Variants in AGAP1 observed in about 807,000 individuals in gnomAD.
The protein encoded by AGAP1 is ArfGAP with GTPase domain, ankyrin repeat and PH domain 1.
AGAP1 carries 29 observed loss-of-function variants against 105.3 expected under a neutral mutation model. The observed-to-expected ratio is 0.28, with a 90% CI of 0.21 to 0.38. The LOEUF is 0.38. Ranked by LOEUF, AGAP1 falls within the 10% of genes least tolerant of loss-of-function variation. AGAP1 has a pLI of 1.00. For missense variants in AGAP1, 998 were observed against 1,165.1 expected, an observed-to-expected ratio of 0.86 and a Z score of 2.09; for synonymous variants, 509 against 485.9, an observed-to-expected ratio of 1.05 and a Z score of -0.63.
chr2:235,699,699 A>G (rs576623584), intron 1 of AGAP1, among the ~76,000 whole-genome samples: 141 of 152,362 alleles, frequency 9.3e-4, no homozygotes, highest in African/African-American at 3.2e-3. Flanking sequence ...TGCTTTACCC[A>G]TAGGATGGGC....
rs923494993 is a variant in AGAP1, at chr2:235,976,531, T to C, written c.1645+7908T>C. Among the ~76,000 whole-genome samples, 3 of 152,092 alleles carry C rather than the reference T, an allele frequency of 2.0e-5. No individual in the cohort carries two copies. In the South Asian group the frequency reaches 6.2e-4, roughly 32 times the overall value. On this transcript the variant is annotated intron_variant, in intron 13 of 17. Transcript: ENST00000304032. The surrounding 1 kb of genome is among the most constrained non-coding windows in gnomAD (Gnocchi z 4.5). ...AGAAGGATGTTTGTAGTGTGGTTTT[T>C]GTTTGTTTGTTTGTTTTAATTTTTT...
rs68065934 is a variant in AGAP1 at position 235,536,468 on chromosome 2, T to TACACAC, written c.163+41641_163+41646dup. Among the ~76,000 whole-genome samples, 70 of 48,990 alleles carry TACACAC rather than the reference T, an allele frequency of 1.4e-3. 5 individuals are homozygous for TACACAC. Among genetic ancestry groups the TACACAC allele is most frequent in the African/African-American group, 8.0e-3 (67 of 8,414 alleles). The allele number at this position is 48,990 out of a possible 152,430, so 32.1% of individuals were successfully genotyped here. On this transcript the variant is annotated intron_variant, in intron 1 of 17. Transcript: ENST00000304032. ...ACCCTGGGGTTTGTTTGTGGCATCC[T>TACACAC]ACACACACACACACACACACACACA...
chr2:235,892,045 T>G (rs2050571556), intron 10 of AGAP1, among the ~76,000 whole-genome samples: 1 of 152,016 alleles, frequency 6.6e-6, no homozygotes, highest in Admixed American at 6.5e-5. Flanking sequence ...TCCCAGCTAC[T>G]TGGGAGGCTG....
chr2:235,774,281 A>G (rs1351939837), intron 6 of AGAP1: 3 of 460,918 alleles, frequency 6.5e-6, no homozygotes, highest in African/African-American at 6.0e-5. Flanking sequence ...ATCCACAGCC[A>G]TCAGAGGAGT....
At chr2:235,791,182 ATTTC>A (rs1337100420) in intron 6 of AGAP1, among the ~76,000 whole-genome samples, 2 of 152,202 alleles carry the variant, frequency 1.3e-5, no homozygotes, top group African/African-American at 2.4e-5. Context: ...AATTCTACAT[ATTTC>A]TTTTCACTCC....
At chr2:235,514,603 G>A (rs1942303255) in intron 1 of AGAP1, among the ~76,000 whole-genome samples, 1 of 152,238 alleles carries the variant, frequency 6.6e-6, no homozygotes, top group African/African-American at 2.4e-5. Context: ...TAACCCACCT[G>A]ATGCCTTCAC....
Position 235,960,565 on chromosome 2 carries a change from C to G in AGAP1, c.1484-7897C>G, listed in dbSNP as rs1038807781. 7.9e-5 allele frequency among the ~76,000 whole-genome samples: 12 copies of G among 152,164 alleles called. No individual in the cohort carries two copies. The highest frequency in any genetic ancestry group is 2.9e-4 in the African/African-American group (12 of 41,446). On this transcript the variant is annotated intron_variant, in intron 12 of 17. Coordinates refer to ENST00000304032, the MANE Select transcript of AGAP1 (RefSeq NM_001037131.3). The surrounding 1 kb of genome is among the most constrained non-coding windows in gnomAD (Gnocchi z 4.9). ...CCTCACTTCTCCCTGCACCTGTGGCCCCTGCTATCGGCGTGCTTACTGGAG... is the reference window on the plus strand; with the variant it reads ...CCTCACTTCTCCCTGCACCTGTGGCGCCTGCTATCGGCGTGCTTACTGGAG...
Position 235,494,132 on chromosome 2 carries a change from C to G in AGAP1, c.-555C>G, listed in dbSNP as rs944941299. The stretch of plus-strand genomic sequence containing the variant: ...CGCGGCTTGCAAGGCGCCTGCGACT[C>G]GGTCCCAGGTCGGCGGGCGGCGCAC... On this transcript the variant is annotated 5_prime_UTR_variant, in exon 1 of 18. Coordinates refer to ENST00000304032, the MANE Select transcript of AGAP1 (RefSeq NM_001037131.3). The G allele has an allele frequency of 1.3e-4, 19 of 144,832 alleles. No individual in the cohort carries two copies. Among genetic ancestry groups the G allele is most frequent in the East Asian group, 2.1e-4 (1 of 4,804 alleles). 9.0% of individuals were successfully genotyped at this position (144,832 alleles called of 1,614,324 possible).
At chr2:236,048,416 C>T (rs1335146712) in intron 15 of AGAP1, among the ~76,000 whole-genome samples, 3 of 152,222 alleles carry the variant, frequency 2.0e-5, no homozygotes, top group Non-Finnish European at 2.9e-5. Context: ...GCGTTGGTTG[C>T]GCTGCGTGAT....
At chr2:235,884,924 G>T (rs576457683) in intron 10 of AGAP1, among the ~76,000 whole-genome samples, 1 of 152,150 alleles carries the variant, frequency 6.6e-6, no homozygotes, top group Non-Finnish European at 1.5e-5. Flanking sequence ...TGTTGCCCAG[G>T]CTAGTTTTGA....
At position 236,123,866 on chromosome 2, in the gene AGAP1, CT is replaced by C; in HGVS notation, c.2371-52del. On this transcript the variant is annotated intron_variant, in intron 17 of 17. Coordinates refer to ENST00000304032, the MANE Select transcript of AGAP1 (RefSeq NM_001037131.3). This position sits in a 1 kb window ranked among gnomAD's most constrained non-coding sequence, Gnocchi z 4.6. ...GGCTGAGAGAAAGCTTCCCTGCCCC[CT>C]CCCTCCATCACATCCCCCATGATAC... 3 of 1,604,840 alleles carry C rather than the reference CT, an allele frequency of 1.9e-6. No homozygotes were observed. Among genetic ancestry groups the C allele is most frequent in the Non-Finnish European group, 2.6e-6 (3 of 1,174,598 alleles).
rs756629525 is a variant in AGAP1, at chr2:235,723,009, C to T, written c.310+5365C>T. 4.6e-5 allele frequency among the ~76,000 whole-genome samples: 7 copies of T among 152,116 alleles called. No homozygotes were observed. Among genetic ancestry groups the T allele is most frequent in the South Asian group, 2.1e-4 (1 of 4,822 alleles). On this transcript the variant is annotated intron_variant, in intron 3 of 17. Coordinates refer to ENST00000304032, the MANE Select transcript of AGAP1 (RefSeq NM_001037131.3). The surrounding 1 kb of genome is among the most constrained non-coding windows in gnomAD (Gnocchi z 6.2). ...GCAGGTTAGAGAAGCTTGGTTTAGA[C>T]GGTCGCTGCACTTAGAACTGTTGGA...
In AGAP1 at chr2:235,609,892, G is replaced by C. The variant is rs1346796172; in HGVS notation, c.164-99287G>C. 6.6e-6 allele frequency among the ~76,000 whole-genome samples: 1 copy of C among 152,102 alleles called. No individual in the cohort carries two copies. The highest frequency in any genetic ancestry group is 1.5e-5 in the Non-Finnish European group (1 of 68,012). On this transcript the variant is annotated intron_variant, in intron 1 of 17. Transcript: ENST00000304032. The surrounding 1 kb of genome is among the most constrained non-coding windows in gnomAD (Gnocchi z 5.1). ...TGGTAAATGGAGTCTTGCTCGCCAGGTGCATGAGGTGAAGTCACTGGGCTG... is the reference window on the plus strand; with the variant it reads ...TGGTAAATGGAGTCTTGCTCGCCAGCTGCATGAGGTGAAGTCACTGGGCTG...
rs558521735 is a variant in AGAP1, at chr2:235,600,641, G to A, written c.163+105792G>A. ...CTGAAGAACTTGGAGCCTGATGTTC[G>A]AGGGCAGGAAGCATCCAGCACAGGA... On this transcript the variant is annotated intron_variant, in intron 1 of 17. Transcript: ENST00000304032. The surrounding 1 kb of genome is among the most constrained non-coding windows in gnomAD (Gnocchi z 4.8). Among the ~76,000 whole-genome samples the A allele has an allele frequency of 5.3e-5, 8 of 152,288 alleles. No individual in the cohort carries two copies. Among genetic ancestry groups the A allele is most frequent in the African/African-American group, 1.7e-4 (7 of 41,570 alleles).
chr2:235,959,072 G>C lies in AGAP1; in HGVS notation c.1484-9390G>C, dbSNP rs1322908273. Among the ~76,000 whole-genome samples the C allele has an allele frequency of 2.0e-5, 3 of 152,188 alleles. No individual in the cohort carries two copies. Among genetic ancestry groups the C allele is most frequent in the Non-Finnish European group, 4.4e-5 (3 of 68,034 alleles). ...GCTCGGGACCCCAGTCCCTCCGTCA[G>C]AGCCGGTTTAGATGTGGAGTAATGA... On this transcript the variant is annotated intron_variant, in intron 12 of 17. Transcript: ENST00000304032. The surrounding 1 kb of genome is among the most constrained non-coding windows in gnomAD (Gnocchi z 7.3).
intron 6 of AGAP1, among the ~76,000 whole-genome samples, chr2:235,785,987 T>G (rs1357242336): frequency 1.3e-5 from 2 of 152,228 alleles, no homozygotes; most frequent in Non-Finnish European, 2.9e-5. Context: ...ACGTGCAGAT[T>G]GAAGAATTGC....
intron 1 of AGAP1, among the ~76,000 whole-genome samples, chr2:235,593,999 AAATC>A (rs965489760): frequency 4.6e-5 from 7 of 152,086 alleles, no homozygotes; most frequent in African/African-American, 1.4e-4. Context: ...GAAGGAAAAA[AAATC>A]AATCAAATTC....
intron 12 of AGAP1, among the ~76,000 whole-genome samples, chr2:235,966,831 G>C (rs1334701858): frequency 6.6e-6 from 1 of 152,168 alleles, no homozygotes; most frequent in South Asian, 2.1e-4. Context: ...AGAGGGGCGA[G>C]GGGTCTCTGC....
intron 1 of AGAP1, among the ~76,000 whole-genome samples, chr2:235,598,594 ACT>A (rs1255119520): frequency 1.3e-5 from 2 of 152,156 alleles, no homozygotes; most frequent in East Asian, 3.9e-4. Context: ...ACTTTCTTTT[ACT>A]CATCATCCTG....
Sources: allele counts gnomAD v4.1 joint callset (sites outside exome capture counted in the v4.1 genomes callset), GRCh38; gene constraint gnomAD v4.1.1; non-coding constraint Gnocchi (gnomAD v3.1); transcripts MANE v1.5; gene names NCBI Gene and HGNC (gene_info 2026-07-23, HGNC 2026-07-21).